Variants in DCC observed in about 807,000 individuals in gnomAD.
The protein encoded by DCC is netrin receptor DCC.
Under a neutral mutation model 172.5 loss-of-function variants are expected in DCC, and 58 were observed. The observed-to-expected ratio is 0.34, with a 90% confidence interval of 0.27 to 0.42. The LOEUF (loss-of-function observed/expected upper bound fraction) is 0.42, where lower values mean the gene tolerates loss of function less well. Among genes scored for constraint, DCC ranks in the 10% least tolerant of loss-of-function variants. The pLI is 1.00. For synonymous variants in DCC, 709 were observed against 644.5 expected, an observed-to-expected ratio of 1.10 and a Z score of -1.52; for missense variants, 1,740 against 1,791.0, an observed-to-expected ratio of 0.97 and a Z score of 0.51.
At chr18:52,700,156 ACACATG>A (rs2036084904) in intron 1 of DCC, among the ~76,000 whole-genome samples, 2 of 151,256 alleles carry the variant, frequency 1.3e-5, no homozygotes, top group Non-Finnish European at 1.5e-5. Flanking sequence ...CCACACACAC[ACACATG>A]CACACGCACA....
intron 21 of DCC, among the ~76,000 whole-genome samples, chr18:53,430,240 T>G (rs976997823): frequency 6.6e-6 from 1 of 152,138 alleles, no homozygotes; most frequent in Admixed American, 6.6e-5. Flanking sequence ...AGATATACAT[T>G]GAACATTTGT....
chr18:53,048,004 A>G (rs1164882608), intron 5 of DCC, among the ~76,000 whole-genome samples: 1 of 151,778 alleles, frequency 6.6e-6, no homozygotes, highest in Non-Finnish European at 1.5e-5. Flanking sequence ...GCTCATTTAT[A>G]ATTAGGAAAA....
chr18:52,480,024 G>A (rs1222523544), intron 1 of DCC, among the ~76,000 whole-genome samples: 1 of 151,988 alleles, frequency 6.6e-6, no homozygotes, highest in Non-Finnish European at 1.5e-5. Flanking sequence ...TAGTTCTCTT[G>A]ACAACACAGT....
chr18:52,614,482 T>G (rs1392459536), intron 1 of DCC, among the ~76,000 whole-genome samples: 1 of 152,156 alleles, frequency 6.6e-6, no homozygotes, highest in Non-Finnish European at 1.5e-5. Flanking sequence ...GTAATAGTGG[T>G]TTTTGCCCAT....
At chr18:52,774,868 C>T (rs2037402141) in intron 2 of DCC, among the ~76,000 whole-genome samples, 1 of 152,190 alleles carries the variant, frequency 6.6e-6, no homozygotes, top group Non-Finnish European at 1.5e-5. Flanking sequence ...GCAGCTGAGC[C>T]AAATCCTCAC....
chr18:53,122,074 C>T (rs942508382), intron 7 of DCC, among the ~76,000 whole-genome samples: 4 of 151,930 alleles, frequency 2.6e-5, no homozygotes, highest in Non-Finnish European at 5.9e-5. Context: ...TATTTCTTCT[C>T]TAGTTGTTGT....
intron 2 of DCC, among the ~76,000 whole-genome samples, chr18:52,890,055 A>G (rs936942650): frequency 1.1e-4 from 16 of 152,192 alleles, no homozygotes; most frequent in African/African-American, 3.4e-4. Flanking sequence ...GTACCAATAA[A>G]TAGCTGCTGA....
chr18:52,700,143 G>A (rs1344022229), intron 1 of DCC, among the ~76,000 whole-genome samples: 1 of 151,106 alleles, frequency 6.6e-6, no homozygotes, highest in African/African-American at 2.4e-5. Context: ...TCGCTCTCTT[G>A]CCCCACACAC....
rs375401214 is a variant in DCC, at chr18:53,459,417, A to G, written c.3578A>G (p.Gln1193Arg). The change falls in exon 24 of 29, where the codon CAG becomes CGG. Residue 1193 changes from glutamine to arginine, a missense_variant. Gln to Arg is a conservative substitution (Grantham distance 43). Coordinates refer to ENST00000442544, the MANE Select transcript of DCC (RefSeq NM_005215.4). ...CQDLTPVSHSQSETQLGSKST... is the reference protein window; with the variant it reads ...CQDLTPVSHSRSETQLGSKST... ...GACCTCACACCAGTCAGCCACAGCC[A>G]GTCAGAAACCCAACTGGGAAGCAAA... is the stretch of plus-strand genomic sequence containing the variant. The G allele has an allele frequency of 5.3e-5, 86 of 1,613,980 alleles. No individual in the cohort carries two copies. The East Asian group carries it at 6.9e-4, about 13-fold the overall frequency.
At chr18:52,893,734 A>C (rs1290427999) in intron 2 of DCC, among the ~76,000 whole-genome samples, 2 of 152,152 alleles carry the variant, frequency 1.3e-5, no homozygotes, top group African/African-American at 4.8e-5. Context: ...TAACATGTTA[A>C]TATACCGGAA....
chr18:53,511,203 TTATAAAAATAATAGAGACAAGGTACTGA>T (rs1313192982), intron 27 of DCC, among the ~76,000 whole-genome samples: 8 of 152,284 alleles, frequency 5.3e-5, no homozygotes, highest in Admixed American at 1.3e-4. Flanking sequence ...AGGTTTTAGT[TTATAAAAATAATAGAGACAAGGTACTGA>T]TAACCAGATG....
At chr18:52,737,838 AATGC>A (rs1404916260) in intron 1 of DCC, among the ~76,000 whole-genome samples, 2 of 152,122 alleles carry the variant, frequency 1.3e-5, no homozygotes, top group African/African-American at 4.8e-5. Flanking sequence ...AAAGCTTATA[AATGC>A]TAAATCTATT....
rs17389547 is a variant in DCC, at chr18:52,906,336, A to C, written c.697+8A>C. 41,333 of 1,613,618 alleles carry C rather than the reference A, an allele frequency of 0.026. 575 individuals are homozygous for C. Among genetic ancestry groups the C allele is most frequent in the Admixed American group, 0.036 (2,140 of 60,006 alleles). On this transcript the variant is annotated splice_region_variant and intron_variant, in intron 3 of 28. Transcript: ENST00000442544. ...AAGTCAGAATTTTATCAGGTATTGC[A>C]ATGCTCTTTGTTGCCTTCAGAATGA... is the stretch of plus-strand genomic sequence containing the variant.
chr18:53,189,047 C>A lies in DCC; in HGVS notation c.1573+9931C>A, dbSNP rs17487130. On this transcript the variant is annotated intron_variant, in intron 9 of 28. Coordinates refer to ENST00000442544, the MANE Select transcript of DCC (RefSeq NM_005215.4). ...TGAATTTTTGGAGTACTATTCAACC[C>A]GATATACTGCCCTGTGAATCTTAGT... is the stretch of plus-strand genomic sequence containing the variant. Among the ~76,000 whole-genome samples the A allele has an allele frequency of 4.6e-3, 694 of 151,992 alleles. 2 individuals carry two copies. Among genetic ancestry groups the A allele is most frequent in the Middle Eastern group, 0.02 (6 of 294 alleles).
At chr18:52,901,669 T>G (rs1021930836) in intron 2 of DCC, among the ~76,000 whole-genome samples, 1 of 152,140 alleles carries the variant, frequency 6.6e-6, no homozygotes, top group African/African-American at 2.4e-5. Flanking sequence ...CCAGGTAATC[T>G]CATTATTCCA....
intron 12 of DCC, among the ~76,000 whole-genome samples, chr18:53,298,266 G>T (rs1223268750): frequency 6.6e-6 from 1 of 151,990 alleles, no homozygotes; most frequent in Non-Finnish European, 1.5e-5. Flanking sequence ...ACTGGGGATG[G>T]TGGCTCACTC....
At chr18:52,801,812 T>G (rs1045979238) in intron 2 of DCC, among the ~76,000 whole-genome samples, 1 of 152,200 alleles carries the variant, frequency 6.6e-6, no homozygotes. Flanking sequence ...TTGCCCTGAT[T>G]TGTAGCACAT....
chr18:52,342,280 C>CGTGT (rs10535247), intron 1 of DCC, among the ~76,000 whole-genome samples: 1,691 of 150,284 alleles, frequency 0.011, 25 homozygotes, highest in African/African-American at 0.03. Flanking sequence ...TGTGTGTGTG[C>CGTGT]GTGTGTGTGT....
intron 16 of DCC, 99 bp from the exon 17 acceptor site, chr18:53,391,556 A>G (rs1908544916): frequency 1.3e-6 from 1 of 788,448 alleles, no homozygotes; most frequent in East Asian, 2.5e-5. Flanking sequence ...ATTGCCATGC[A>G]TTTAACTCAT....
Sources: gnomAD v4.1 joint callset for allele counts (sites outside exome capture counted in the v4.1 genomes callset) on GRCh38, gnomAD v4.1.1 for gene constraint, MANE v1.5 for transcripts, NCBI Gene and HGNC (gene_info 2026-07-23, HGNC 2026-07-21) for gene names.